The following VWC2L variants were observed in gnomAD, a reference collection of about 807,000 sequenced individuals.
VWC2L encodes the protein von Willebrand factor C domain containing 2 like, also known as von Willebrand factor C domain-containing protein 2-like.
Under a neutral mutation model 21.6 loss-of-function variants are expected in VWC2L, and 10 were observed. The ratio of observed to expected loss-of-function variants is 0.46; its 90% CI spans 0.29 to 0.78. VWC2L has a LOEUF of 0.78. Ranked by LOEUF, VWC2L falls within the 30% of genes least tolerant of loss-of-function variation. The probability of loss-of-function intolerance (pLI) is 0.10; values close to 1 mark genes in which losing one functional copy is unlikely to be tolerated. For missense variants in VWC2L, 209 were observed against 277.1 expected (o/e 0.75, Z 1.74); for synonymous variants, 96 against 94.3 (o/e 1.02, Z -0.10).
chr2:214,567,583 C>G (rs879330466), intron 3 of VWC2L, among the ~76,000 whole-genome samples: 18,961 of 61,704 alleles, frequency 0.31, 1,602 homozygotes, highest in Middle Eastern at 0.37. Flanking sequence ...CACACACACA[C>G]ACACACACAC....
intron 3 of VWC2L, among the ~76,000 whole-genome samples, chr2:214,454,411 A>C (rs1009932813): frequency 6.6e-6 from 1 of 151,230 alleles, no homozygotes; most frequent in Admixed American, 6.6e-5. Context: ...CAGGTTTTTC[A>C]TAGATGCTTG....
At chr2:214,413,539 G>A (rs1702308866) in intron 1 of VWC2L, among the ~76,000 whole-genome samples, 1 of 152,062 alleles carries the variant, frequency 6.6e-6, no homozygotes, top group East Asian at 1.9e-4. Context: ...CACTTAAACA[G>A]GTAACTGATG....
At position 214,577,785 on chromosome 2, in the gene VWC2L, A is replaced by G. The variant is rs932934106; in HGVS notation, c.*1965A>G. Reference sequence around the variant, plus strand: ...CTGCTGTCATCAAGAAAGAGTTGTCATTTCCAAAATTAACGTGCTGACGAG... The same window carrying G: ...CTGCTGTCATCAAGAAAGAGTTGTCGTTTCCAAAATTAACGTGCTGACGAG... On this transcript the variant is annotated 3_prime_UTR_variant, in exon 4 of 4. Transcript: ENST00000312504. 1.4e-4 allele frequency: 21 copies of G among 152,144 alleles called. No individual in the cohort carries two copies. The highest frequency in any genetic ancestry group is 3.6e-4 in the African/African-American group (15 of 41,422). The allele number at this position is 152,144 out of a possible 1,614,324, so 9.4% of individuals were successfully genotyped here.
intron 3 of VWC2L, among the ~76,000 whole-genome samples, chr2:214,533,250 T>C (rs1689469993): frequency 6.6e-6 from 1 of 152,124 alleles, no homozygotes; most frequent in Admixed American, 6.6e-5. Flanking sequence ...TATATGTATG[T>C]ATATTTATAT....
At chr2:214,545,244 C>A (rs1403769162) in intron 3 of VWC2L, among the ~76,000 whole-genome samples, 1 of 152,136 alleles carries the variant, frequency 6.6e-6, no homozygotes, top group Non-Finnish European at 1.5e-5. Flanking sequence ...CTACAAGGTA[C>A]TTTAGGAGCA....
chr2:214,493,376 A>T (rs1453211349), intron 3 of VWC2L, among the ~76,000 whole-genome samples: 2 of 152,212 alleles, frequency 1.3e-5, no homozygotes, highest in Non-Finnish European at 2.9e-5. Flanking sequence ...AAGGAAAGCT[A>T]TTGGTTCATA....
chr2:214,516,198 C>T (rs1689140262), intron 3 of VWC2L, among the ~76,000 whole-genome samples: 1 of 151,970 alleles, frequency 6.6e-6, no homozygotes, highest in Non-Finnish European at 1.5e-5. Context: ...CAAACCAGGG[C>T]TCCCTCCCAC....
At chr2:214,465,943 G>A (rs1233543460) in intron 3 of VWC2L, among the ~76,000 whole-genome samples, 1 of 152,126 alleles carries the variant, frequency 6.6e-6, no homozygotes, top group East Asian at 1.9e-4. Flanking sequence ...CACAATCGCT[G>A]CACTCTCCCT....
At chr2:214,562,882 T>C (rs565863160) in intron 3 of VWC2L, among the ~76,000 whole-genome samples, 2 of 152,214 alleles carry the variant, frequency 1.3e-5, no homozygotes, top group Non-Finnish European at 2.9e-5. Context: ...ATGAGTAGAT[T>C]GCAAAAATTT....
rs1161486990 is a variant in VWC2L at position 214,436,774 on chromosome 2, A to T, written c.520+16A>T. The T allele has an allele frequency of 6.2e-7, 1 of 1,612,548 alleles. No individual in the cohort carries two copies. ...TGCAAAAATGGTAAGACCACACTGC[A>T]TTAGCTTTTGAAGAGGGGTTCGCAC... is the stretch of plus-strand genomic sequence containing the variant. On this transcript the variant is annotated intron_variant, in intron 3 of 3. Transcript: ENST00000312504.
At chr2:214,570,412 G>A (rs1292440597) in intron 3 of VWC2L, among the ~76,000 whole-genome samples, 1 of 152,216 alleles carries the variant, frequency 6.6e-6, no homozygotes, top group Non-Finnish European at 1.5e-5. Context: ...CACCCAAGCT[G>A]GAATGCCATG....
intron 3 of VWC2L, among the ~76,000 whole-genome samples, chr2:214,519,844 C>A (rs1313015214): frequency 6.6e-6 from 1 of 152,002 alleles, no homozygotes; most frequent in East Asian, 1.9e-4. Context: ...CTCTGCACCA[C>A]AAGGGAAATG....
chr2:214,443,229 G>T (rs570814775), intron 3 of VWC2L, among the ~76,000 whole-genome samples: 8 of 151,912 alleles, frequency 5.3e-5, no homozygotes, highest in Non-Finnish European at 1.0e-4. Context: ...AACAAAAAAA[G>T]CTGTCTGTGG....
chr2:214,481,091 T>C (rs910847614), intron 3 of VWC2L, among the ~76,000 whole-genome samples: 2 of 152,042 alleles, frequency 1.3e-5, no homozygotes, highest in African/African-American at 4.8e-5. Flanking sequence ...AAAATGGCAA[T>C]AGGGATTCAC....
At chr2:214,499,093 A>G (rs1390093765) in intron 3 of VWC2L, among the ~76,000 whole-genome samples, 3 of 133,782 alleles carry the variant, frequency 2.2e-5, no homozygotes, top group African/African-American at 8.8e-5. Flanking sequence ...ATCTCAGCTC[A>G]CTGCAACCTC....
In VWC2L at chr2:214,519,691, T is replaced by C. The variant is rs551033438; in HGVS notation, c.521-55981T>C. The stretch of plus-strand genomic sequence containing the variant: ...AAGCCTTTCGCTTCCTCCGTAGAGA[T>C]GCCATATTGTTTCTTTCCACTGGTC... On this transcript the variant is annotated intron_variant, in intron 3 of 3. Coordinates refer to ENST00000312504, the MANE Select transcript of VWC2L (RefSeq NM_001080500.4). 5.3e-5 allele frequency among the ~76,000 whole-genome samples: 8 copies of C among 152,292 alleles called. No individual in the cohort carries two copies. The East Asian group carries it at 1.2e-3, about 22-fold the overall frequency.
In VWC2L at chr2:214,520,524, T is replaced by C. The variant is rs550418882; in HGVS notation, c.521-55148T>C. 5.9e-5 allele frequency among the ~76,000 whole-genome samples: 9 copies of C among 152,306 alleles called. No homozygotes were observed. In the South Asian group the frequency reaches 6.2e-4, roughly 11 times the overall value. ...CACTTATTTCCCGAGACTGGCGATA[T>C]AGAAGTAAAATTACCAGGTCAAAAG... On this transcript the variant is annotated intron_variant, in intron 3 of 3. Transcript: ENST00000312504.
At chr2:214,513,374 C>T (rs1402647717) in intron 3 of VWC2L, among the ~76,000 whole-genome samples, 3 of 152,106 alleles carry the variant, frequency 2.0e-5, no homozygotes, top group Admixed American at 6.5e-5. Flanking sequence ...TATTGAATGA[C>T]GTCCAGAATG....
intron 3 of VWC2L, among the ~76,000 whole-genome samples, chr2:214,549,243 G>A (rs1260789230): frequency 6.6e-6 from 1 of 152,122 alleles, no homozygotes; most frequent in Non-Finnish European, 1.5e-5. Flanking sequence ...AATTGTGTCA[G>A]CACACTCGCT....
Sources: allele counts gnomAD v4.1 joint callset (sites outside exome capture counted in the v4.1 genomes callset), GRCh38; gene constraint gnomAD v4.1.1; transcripts MANE v1.5; gene names NCBI Gene and HGNC (gene_info 2026-07-23, HGNC 2026-07-21).